Variants in GMPS observed in about 807,000 individuals in gnomAD.
GMPS encodes GMP synthase [glutamine-hydrolyzing].
Under a neutral mutation model 77.9 loss-of-function variants are expected in GMPS, and 15 were observed. The ratio of observed to expected loss-of-function variants is 0.19; its 90% CI spans 0.13 to 0.30. The LOEUF (loss-of-function observed/expected upper bound fraction) is 0.30. Ranked by LOEUF, GMPS falls within the 10% of genes least tolerant of loss-of-function variation. The probability of loss-of-function intolerance (pLI) is 1.00; values close to 1 mark genes in which losing one functional copy is unlikely to be tolerated. For missense variants in GMPS, 590 were observed against 838.8 expected (o/e 0.70, Z 3.66); for synonymous variants, 224 against 275.9 (o/e 0.81, Z 1.86).
At chr3:155,935,180 A>T (rs2108150897) in intron 14 of GMPS, 134 bp downstream of exon 14, 2 of 707,560 alleles carry the variant, frequency 2.8e-6, no homozygotes, top group East Asian at 2.5e-5. Flanking sequence ...ATGTTCTATG[A>T]TGTTGCTTTT....
intron 12 of GMPS, 59 bp downstream of exon 12, chr3:155,925,425 G>A: frequency 7.2e-7 from 1 of 1,398,174 alleles, no homozygotes; most frequent in Non-Finnish European, 9.7e-7. Context: ...CTTTTCTTGA[G>A]ACGGAGTCTC....
intron 12 of GMPS, among the ~76,000 whole-genome samples, chr3:155,930,847 G>T (rs527774169): frequency 1.2e-4 from 18 of 152,004 alleles, no homozygotes; most frequent in African/African-American, 2.7e-4. Context: ...TTTGAGATGG[G>T]GTCTTACTCT....
chr3:155,903,992 G>C (rs1469888664), intron 4 of GMPS, 32 bp downstream of exon 4: 1 of 816,804 alleles, frequency 1.2e-6, no homozygotes, highest in East Asian at 2.7e-5. Context: ...AAGAACAATA[G>C]TAATTAACTA....
At chr3:155,921,032 A>T (rs977106201) in intron 10 of GMPS, among the ~76,000 whole-genome samples, 1 of 152,166 alleles carries the variant, frequency 6.6e-6, no homozygotes, top group African/African-American at 2.4e-5. Flanking sequence ...ACTTGAGGTC[A>T]GGAGTTCCAG....
At chr3:155,879,952 GTTTT>G (rs61425510) in intron 1 of GMPS, among the ~76,000 whole-genome samples, 1 of 147,260 alleles carries the variant, frequency 6.8e-6, no homozygotes, top group African/African-American at 2.5e-5. Context: ...AGTTTTAAGA[GTTTT>G]TTTTTTTTAA....
chr3:155,870,720 C>A lies in GMPS; in HGVS notation c.-151C>A. 1.7e-6 allele frequency: 1 copy of A among 571,694 alleles called. No individual in the cohort carries two copies. Among genetic ancestry groups the A allele is most frequent in the Non-Finnish European group, 3.1e-6 (1 of 322,190 alleles). 35.4% of individuals were successfully genotyped at this position (571,694 alleles called of 1,614,324 possible). A position where few individuals can be genotyped will look rare whatever the true frequency, so the allele number is the denominator to read the frequency against. On this transcript the variant is annotated 5_prime_UTR_variant, in exon 1 of 16. Coordinates refer to ENST00000496455, the MANE Select transcript of GMPS (RefSeq NM_003875.3). The stretch of plus-strand genomic sequence containing the variant: ...GCTCCGCTGCTGTTGCTCCATTCGG[C>A]GCTTTTCTGGCGGCTGGCTCCTCTC...
At position 155,936,347 on chromosome 3, in the gene GMPS, G is replaced by T; in HGVS notation, c.1817G>T (p.Gly606Val). Residue 606 changes from glycine to valine, a missense_variant, in exon 15 of 16, where the codon GGG becomes GTG. Transcript: ENST00000496455. ...HNILRESGYAGKISQMPVILT... is the reference protein window; with the variant it reads ...HNILRESGYAVKISQMPVILT... ...ATATACCTTTCTCTAGGGTATGCTG[G>T]GAAAATCAGCCAGATGCCGGTGATT... 3 of 1,607,008 alleles carry T rather than the reference G, an allele frequency of 1.9e-6. No homozygotes were observed. Among genetic ancestry groups the T allele is most frequent in the Non-Finnish European group, 2.6e-6 (3 of 1,175,304 alleles).
At chr3:155,896,660 A>T (rs1417290764) in intron 2 of GMPS, among the ~76,000 whole-genome samples, 1 of 150,078 alleles carries the variant, frequency 6.7e-6, no homozygotes, top group Non-Finnish European at 1.5e-5. Context: ...GGCTCAAGCA[A>T]TCTGCCCGTC....
At chr3:155,917,947 TTTTG>T (rs1341399685) in intron 9 of GMPS, among the ~76,000 whole-genome samples, 5 of 152,176 alleles carry the variant, frequency 3.3e-5, no homozygotes, top group Non-Finnish European at 7.4e-5. Flanking sequence ...GCCTATCCAT[TTTTG>T]TTTATCTTTT....
intron 1 of GMPS, among the ~76,000 whole-genome samples, chr3:155,882,669 A>G (rs1754238666): frequency 2.0e-5 from 3 of 152,228 alleles, no homozygotes; most frequent in Admixed American, 2.0e-4. Flanking sequence ...AAAGCCCCCA[A>G]TTTTTATTAT....
rs1755850727 is a variant in GMPS at position 155,939,927 on chromosome 3, G to C, written c.*2235G>C. 2.0e-5 allele frequency: 4 copies of C among 202,004 alleles called. No homozygotes were observed. Among genetic ancestry groups the C allele is most frequent in the Admixed American group, 1.2e-4 (2 of 16,696 alleles). The allele number at this position is 202,004 out of a possible 1,614,324, so 12.5% of individuals were successfully genotyped here. On this transcript the variant is annotated 3_prime_UTR_variant, in exon 16 of 16. Transcript: ENST00000496455. Reference sequence around the variant, plus strand: ...AGTTAAGAAAACAAGCTCACCTTAGGCATGGTTACTTAATTAATTTCAGAA... The same window carrying C: ...AGTTAAGAAAACAAGCTCACCTTAGCCATGGTTACTTAATTAATTTCAGAA...
At chr3:155,925,751 G>A (rs941046309) in intron 12 of GMPS, among the ~76,000 whole-genome samples, 1 of 152,064 alleles carries the variant, frequency 6.6e-6, no homozygotes, top group Non-Finnish European at 1.5e-5. Flanking sequence ...TTGTAGGGCA[G>A]GGATCAAGAG....
chr3:155,870,852 G>C lies in GMPS; in HGVS notation c.-19G>C, dbSNP rs1219687372. 1.3e-6 allele frequency: 2 copies of C among 1,496,122 alleles called. No individual in the cohort carries two copies. Among genetic ancestry groups the C allele is most frequent in the East Asian group, 5.7e-5 (2 of 35,128 alleles). The allele number at this position is 1,496,122 out of a possible 1,614,324, so 92.7% of individuals were successfully genotyped here. On this transcript the variant is annotated 5_prime_UTR_variant, in exon 1 of 16. Coordinates refer to ENST00000496455, the MANE Select transcript of GMPS (RefSeq NM_003875.3). ...CTCGTACTGTCGCCGTCACCGCCGC[G>C]GCTCCGGCCCTGGCCCCGATGGCTC...
At chr3:155,891,554 T>C (rs7633168) in intron 1 of GMPS, among the ~76,000 whole-genome samples, 59,969 of 151,504 alleles carry the variant, frequency 0.4, 14,368 homozygotes, top group Non-Finnish European at 0.52. Flanking sequence ...TGGCACCGGA[T>C]TGGCTCCCTC....
At chr3:155,936,551 T>C in intron 15 of GMPS, 41 bp downstream of exon 15, 1 of 1,119,864 alleles carries the variant, frequency 8.9e-7, no homozygotes, top group Non-Finnish European at 1.4e-6. Context: ...TCTCAGTACC[T>C]CTTACATTTT....
At chr3:155,944,019 TAC>T (rs1372604680) in exon 16 of GMPS, 4 of 152,228 alleles carry the variant, frequency 2.6e-5, no homozygotes, top group Non-Finnish European at 4.4e-5. Context: ...TATATGTATA[TAC>T]ACACAGACTT....
At chr3:155,890,437 C>A (rs1754437642) in intron 1 of GMPS, among the ~76,000 whole-genome samples, 1 of 151,862 alleles carries the variant, frequency 6.6e-6, no homozygotes. Context: ...TGTTAAATCA[C>A]TAAAAACTTT....
rs536497536 is a variant in GMPS at position 155,942,464 on chromosome 3, C to T, written c.*4772C>T. 1 of 223,710 alleles carries T rather than the reference C, an allele frequency of 4.5e-6. No individual in the cohort carries two copies. The highest frequency in any genetic ancestry group is 2.2e-5 in the African/African-American group (1 of 44,924). The allele number at this position is 223,710 out of a possible 1,614,324, so 13.9% of individuals were successfully genotyped here. ...ATACCTAGCCTGTCTTCATCAAACT[C>T]ATAGGTGAATCTTTGTCAAACCTAT... On this transcript the variant is annotated 3_prime_UTR_variant, in exon 16 of 16. Transcript: ENST00000496455.
chr3:155,881,020 A>T (rs888088441), intron 1 of GMPS, among the ~76,000 whole-genome samples: 2 of 152,142 alleles, frequency 1.3e-5, no homozygotes, highest in Non-Finnish European at 2.9e-5. Flanking sequence ...GTACAGTTTT[A>T]CTTACATTCT....
Sources: allele counts gnomAD v4.1 joint callset (sites outside exome capture counted in the v4.1 genomes callset), GRCh38; gene constraint gnomAD v4.1.1; transcripts MANE v1.5; gene names NCBI Gene and HGNC (gene_info 2026-07-23, HGNC 2026-07-21).